Variants in DNAH6 observed in about 807,000 individuals in gnomAD.
The protein encoded by DNAH6 is axonemal beta dynein heavy chain 6.
DNAH6 carries 340 observed loss-of-function variants against 491.4 expected under a neutral mutation model. The observed-to-expected ratio is 0.69, with a 90% CI of 0.63 to 0.76. The LOEUF (loss-of-function observed/expected upper bound fraction) is 0.76, where lower values mean the gene tolerates loss of function less well. Among genes scored for constraint, DNAH6 ranks in the 30% least tolerant of loss-of-function variants. The probability of loss-of-function intolerance (pLI) is 0.00; values close to 1 mark genes in which losing one functional copy is unlikely to be tolerated. For missense variants in DNAH6, 4,443 were observed against 4,972.2 expected (o/e 0.89, Z 3.20); for synonymous variants, 1,603 against 1,686.1 (o/e 0.95, Z 1.21).
chr2:84,745,923 T>C (rs910262689), intron 63 of DNAH6, among the ~76,000 whole-genome samples: 3 of 151,970 alleles, frequency 2.0e-5, no homozygotes, highest in Admixed American at 2.0e-4. Flanking sequence ...CCAGGACCTG[T>C]TTGAAGATGA....
chr2:84,699,732 C>T lies in DNAH6; in HGVS notation c.7816C>T (p.Gln2606Ter). 1 of 1,550,616 alleles carries T rather than the reference C, an allele frequency of 6.4e-7. No individual in the cohort carries two copies. Among genetic ancestry groups the T allele is most frequent in the South Asian group, 1.2e-5 (1 of 83,662 alleles). The change falls in exon 48 of 77, where the codon CAG (glutamine) becomes TAG (stop). Residue 2606 changes from glutamine to a stop codon, truncating the protein, a stop_gained and splice_region_variant. Transcript: ENST00000389394. LOFTEE classifies it high-confidence loss of function. ...VNCCTIDWFV[Q>*]WPREALLSVS... Reference sequence around the variant, plus strand: ...TTGCTGCACCATTGACTGGTTTGTGCAGGTTGGTGACATCCCAGGATATCT... The same window carrying T: ...TTGCTGCACCATTGACTGGTTTGTGTAGGTTGGTGACATCCCAGGATATCT...
At chr2:84,667,825 A>G (rs539498281) in intron 37 of DNAH6, among the ~76,000 whole-genome samples, 3 of 152,338 alleles carry the variant, frequency 2.0e-5, no homozygotes, top group Admixed American at 6.5e-5. Flanking sequence ...AATAGCAAAG[A>G]CTTGGAACCA....
At chr2:84,639,109 T>C (rs756010645) in intron 31 of DNAH6, among the ~76,000 whole-genome samples, 4 of 152,172 alleles carry the variant, frequency 2.6e-5, no homozygotes, top group Non-Finnish European at 4.4e-5. Context: ...ATTAGTATAA[T>C]GCTTACAGCA....
At position 84,706,428 on chromosome 2, in the gene DNAH6, G is replaced by T. The variant is rs576557331; in HGVS notation, c.8728-468G>T. ...TTTCATGAAATATTATTCTTTTAAA[G>T]ATTTTTTTCTAATTATTTAAAAATG... On this transcript the variant is annotated intron_variant, in intron 52 of 76. Coordinates refer to ENST00000389394, the MANE Select transcript of DNAH6 (RefSeq NM_001370.2). Among the ~76,000 whole-genome samples the T allele has an allele frequency of 6.7e-4, 102 of 152,184 alleles. 1 individual carries two copies. The highest frequency in any genetic ancestry group is 2.4e-3 in the African/African-American group (98 of 41,504).
chr2:84,646,439 T>C (rs983693781), intron 33 of DNAH6, among the ~76,000 whole-genome samples: 15 of 151,778 alleles, frequency 9.9e-5, no homozygotes, highest in African/African-American at 3.7e-4. Flanking sequence ...CTGGAAACGA[T>C]TAAGCTTAGT....
chr2:84,588,826 G>C lies in DNAH6; in HGVS notation c.2482G>C (p.Asp828His), dbSNP rs1336274233. 4.6e-6 allele frequency: 7 copies of C among 1,532,664 alleles called. No homozygotes were observed. The highest frequency in any genetic ancestry group is 4.4e-6 in the Non-Finnish European group (5 of 1,139,788). 94.9% of individuals were successfully genotyped at this position (1,532,664 alleles called of 1,614,324 possible). Residue 828 changes from aspartate to histidine, a missense_variant and splice_region_variant, in exon 16 of 77, where the codon GAT becomes CAT. Asp to His is a moderately conservative substitution (Grantham distance 81, BLOSUM62 -1). Coordinates refer to ENST00000389394, the MANE Select transcript of DNAH6 (RefSeq NM_001370.2). ...ACCAAAAACTGTCTTAAATTTATAG[G>C]ATCCACAGATTTTAGATATCTCTGC... Reference protein sequence around the residue: ...EVNEVKLQAQDPQILDISADQ... With the variant: ...EVNEVKLQAQHPQILDISADQ...
intron 63 of DNAH6, among the ~76,000 whole-genome samples, 171 bp downstream of exon 63, chr2:84,745,420 C>T (rs1672872867): frequency 6.6e-6 from 1 of 152,216 alleles, no homozygotes; most frequent in East Asian, 1.9e-4. Context: ...AATCCCAGCA[C>T]TTTGGGAGAC....
At chr2:84,481,525 T>G in the DNAH6 span, among the ~76,000 whole-genome samples, 235 of 152,304 alleles carry the variant, frequency 1.5e-3, no homozygotes, top group Non-Finnish European at 2.5e-3. Context: ...GATCTCTGCT[T>G]CAGCAGAGAT....
intron 17 of DNAH6, among the ~76,000 whole-genome samples, 165 bp downstream of exon 17, chr2:84,594,250 G>A (rs568292681): frequency 6.0e-3 from 24 of 4,014 alleles, no homozygotes; most frequent in Admixed American, 0.011. Flanking sequence ...TCCAGTGAAA[G>A]GCACAAAGGT....
At chr2:84,731,063 T>C (rs917860251) in intron 61 of DNAH6, among the ~76,000 whole-genome samples, 5 of 152,216 alleles carry the variant, frequency 3.3e-5, no homozygotes, top group Non-Finnish European at 5.9e-5. Flanking sequence ...CAGGCACATA[T>C]AGCAAATGAA....
intron 58 of DNAH6, among the ~76,000 whole-genome samples, chr2:84,717,034 T>C (rs952802547): frequency 1.3e-5 from 2 of 152,164 alleles, no homozygotes; most frequent in Non-Finnish European, 2.9e-5. Flanking sequence ...CCTCCCTGCC[T>C]CCTGGAAAAT....
intron 10 of DNAH6, among the ~76,000 whole-genome samples, chr2:84,556,680 A>G (rs1174479920): frequency 2.6e-5 from 4 of 152,356 alleles, no homozygotes; most frequent in African/African-American, 9.6e-5. Context: ...ACATTTTTAT[A>G]TGCTTCTGTC....
intron 59 of DNAH6, among the ~76,000 whole-genome samples, chr2:84,718,921 T>C (rs1573591817): frequency 1.3e-5 from 2 of 152,338 alleles, no homozygotes; most frequent in African/African-American, 2.4e-5. Context: ...TTGCACACAA[T>C]TGGTACTCAA....
Position 84,640,450 on chromosome 2 carries a change from A to G in DNAH6, c.4842A>G (p.Gly1614=). The G allele has an allele frequency of 6.6e-7, 1 of 1,514,954 alleles. No homozygotes were observed. The highest frequency in any genetic ancestry group is 1.4e-5 in the African/African-American group (1 of 72,370). The allele number at this position is 1,514,954 out of a possible 1,614,324, so 93.8% of individuals were successfully genotyped here. The stretch of plus-strand genomic sequence containing the variant: ...TCTAGGTAATTCTATATTCTGAAGG[A>G]TTTGAATCCAGTAAAATATTAGCAA... ...LIAEVILYSE[G]FESSKILARK... The change falls in exon 32 of 77, where the codon GGA becomes GGG. Residue 1614 remains glycine, a synonymous_variant. Coordinates refer to ENST00000389394, the MANE Select transcript of DNAH6 (RefSeq NM_001370.2).
the DNAH6 span, among the ~76,000 whole-genome samples, chr2:84,493,771 A>G: frequency 6.6e-6 from 1 of 152,234 alleles, no homozygotes; most frequent in African/African-American, 2.4e-5. Flanking sequence ...AGGCTGGGAC[A>G]TCCTTGGTAG....
intron 44 of DNAH6, 114 bp from the exon 45 acceptor site, chr2:84,688,325 G>T: frequency 2.5e-6 from 2 of 816,160 alleles, no homozygotes; most frequent in South Asian, 2.7e-5. Flanking sequence ...AAATTTTATT[G>T]CAAAGACCTT....
the DNAH6 span, among the ~76,000 whole-genome samples, chr2:84,475,392 T>G: frequency 6.6e-6 from 1 of 152,208 alleles, no homozygotes; most frequent in Non-Finnish European, 1.5e-5. Flanking sequence ...CTTTGCTAAA[T>G]GTAGAATGAC....
In DNAH6 at chr2:84,613,220, G is replaced by A. The variant is rs556937411; in HGVS notation, c.3475+1366G>A. On this transcript the variant is annotated intron_variant, in intron 22 of 76. Transcript: ENST00000389394. ...CTTTTGAGCAGAAACCTGCAGGAAT[G>A]AGGGAATGAGTCATGTATGTGATCA... 2.0e-5 allele frequency among the ~76,000 whole-genome samples: 3 copies of A among 152,108 alleles called. No homozygotes were observed. The South Asian group carries it at 6.2e-4, about 32-fold the overall frequency.
chr2:84,746,981 A>G (rs911241715), intron 63 of DNAH6, among the ~76,000 whole-genome samples: 1 of 152,182 alleles, frequency 6.6e-6, no homozygotes, highest in African/African-American at 2.4e-5. Context: ...ACTCATTTCT[A>G]TGGAGAGGGC....
Sources: allele counts gnomAD v4.1 joint callset (sites outside exome capture counted in the v4.1 genomes callset), GRCh38; gene constraint gnomAD v4.1.1; transcripts MANE v1.5; gene names NCBI Gene and HGNC (gene_info 2026-07-23, HGNC 2026-07-21).